The following ENTPD5 variants were observed in gnomAD, a reference collection of about 807,000 sequenced individuals.
The protein encoded by ENTPD5 is ectonucleoside triphosphate diphosphohydrolase 5 (inactive).
In ENTPD5, 49 loss-of-function variants were observed where a neutral mutation model predicts 60.2. The observed-to-expected ratio is 0.81, with a 90% CI of 0.65 to 1.03. The LOEUF is 1.03. ENTPD5 is among the 50% of genes least tolerant of loss of function. The probability of loss-of-function intolerance (pLI) is 0.00; values close to 1 mark genes in which losing one functional copy is unlikely to be tolerated. For synonymous variants in ENTPD5, 187 were observed against 185.4 expected (o/e 1.01, Z -0.07); for missense variants, 480 against 507.6 (o/e 0.95, Z 0.52).
chr14:73,969,924 C>A, intron 15 of ENTPD5, 86 bp downstream of exon 15: 1 of 930,504 alleles, frequency 1.1e-6, no homozygotes, highest in African/African-American at 1.6e-5. Context: ...TCACTTCTAG[C>A]TACTCTGATT....
downstream of ENTPD5, chr14:73,961,346 G>A (rs750043999): frequency 9.5e-5 from 153 of 1,614,252 alleles, 2 homozygotes; most frequent in East Asian, 3.3e-3. Context: ...ATGCTGCTGA[G>A]TACGTCAGGC....
At chr14:73,960,968 G>C, downstream of ENTPD5, 1 of 678,770 alleles carries the variant, frequency 1.5e-6, no homozygotes, top group South Asian at 1.7e-5. Context: ...GCCAGCTCAT[G>C]TACAGTTTGG....
intron 3 of ENTPD5, among the ~76,000 whole-genome samples, chr14:73,994,937 C>T (rs2058283902): frequency 1.3e-5 from 2 of 151,966 alleles, no homozygotes; most frequent in South Asian, 4.2e-4. Context: ...TATTTTTCTC[C>T]ACAGGACTTT....
chr14:73,991,534 G>A (rs375167087), intron 3 of ENTPD5, among the ~76,000 whole-genome samples: 1 of 143,606 alleles, frequency 7.0e-6, no homozygotes, highest in East Asian at 2.2e-4. Context: ...GCTGCAGTGA[G>A]TCAAGATCGC....
intron 15 of ENTPD5, among the ~76,000 whole-genome samples, chr14:73,968,051 G>A (rs2057061274): frequency 6.6e-6 from 1 of 152,078 alleles, no homozygotes; most frequent in African/African-American, 2.4e-5. Flanking sequence ...TTGAACCCGG[G>A]AGGTGGAGGT....
downstream of ENTPD5, chr14:73,959,177 G>A (rs751338512): frequency 5.6e-6 from 9 of 1,614,030 alleles, no homozygotes; most frequent in Middle Eastern, 1.6e-4. Context: ...AGAAAACAAC[G>A]TAGCCTGGCA....
chr14:73,975,552 G>T (rs2057405087), intron 10 of ENTPD5, among the ~76,000 whole-genome samples: 1 of 151,916 alleles, frequency 6.6e-6, no homozygotes, highest in African/African-American at 2.4e-5. Flanking sequence ...TTACAGGTGT[G>T]CGCTGTCATA....
At chr14:73,997,273 G>C (rs1317900035) in intron 3 of ENTPD5, among the ~76,000 whole-genome samples, 5 of 152,154 alleles carry the variant, frequency 3.3e-5, no homozygotes, top group Non-Finnish European at 7.3e-5. Flanking sequence ...ATTTCAAAAG[G>C]AGTGGACTTG....
intron 3 of ENTPD5, among the ~76,000 whole-genome samples, chr14:74,010,487 G>T (rs1555367592): frequency 6.6e-6 from 1 of 152,004 alleles, no homozygotes. Flanking sequence ...CCAGGAGGCA[G>T]AGGTTGCAGT....
intron 3 of ENTPD5, 68 bp from the exon 4 acceptor site, chr14:73,988,240 ACT>A: frequency 7.1e-7 from 1 of 1,399,778 alleles, no homozygotes; most frequent in Non-Finnish European, 9.4e-7. Context: ...AAGAAGAAAC[ACT>A]CACTCCTGGG....
chr14:73,968,089 A>G (rs892942036), intron 15 of ENTPD5, among the ~76,000 whole-genome samples: 1 of 152,132 alleles, frequency 6.6e-6, no homozygotes, highest in Admixed American at 6.5e-5. Flanking sequence ...GCACCATTGC[A>G]CTCCAGCCTG....
rs2056861508 is a variant in ENTPD5, at chr14:73,963,757, G to C, written c.*3171C>G. On this transcript the variant is annotated 3_prime_UTR_variant, in exon 16 of 16. Coordinates refer to ENST00000334696, the MANE Select transcript of ENTPD5 (RefSeq NM_001249.5). ...TTGAAGAGGTCTCGTCACAAGACCA[G>C]AGATGCCTCTTGAAGAGATTTTTAG... 6.6e-6 allele frequency: 1 copy of C among 152,290 alleles called. No individual in the cohort carries two copies. The highest frequency in any genetic ancestry group is 2.1e-4 in the South Asian group (1 of 4,834). 9.4% of individuals were successfully genotyped at this position (152,290 alleles called of 1,614,324 possible).
Position 73,976,429 on chromosome 14 carries a change from A to G in ENTPD5, c.554-17T>C. ...GCAGCTGACCTGTCAAATGAGAGCC[A>G]GCTCTAAATAGCCTCGACATCCTGG... On this transcript the variant is annotated splice_polypyrimidine_tract_variant and intron_variant, in intron 8 of 15. Coordinates refer to ENST00000334696, the MANE Select transcript of ENTPD5 (RefSeq NM_001249.5). 1.2e-6 allele frequency: 2 copies of G among 1,604,926 alleles called. No individual in the cohort carries two copies. Among genetic ancestry groups the G allele is most frequent in the East Asian group, 2.2e-5 (1 of 44,844 alleles).
intron 3 of ENTPD5, among the ~76,000 whole-genome samples, chr14:74,001,229 G>A (rs1414877571): frequency 6.6e-6 from 1 of 151,824 alleles, no homozygotes; most frequent in Non-Finnish European, 1.5e-5. Context: ...GTGTCTGGGC[G>A]CAGTGGCTCA....
rs748683070 is a variant in ENTPD5 at position 73,987,889 on chromosome 14, G to C, written c.214C>G (p.Pro72Ala). The C allele has an allele frequency of 6.2e-7, 1 of 1,613,834 alleles. No homozygotes were observed. The highest frequency in any genetic ancestry group is 1.3e-5 in the African/African-American group (1 of 74,886). Reference protein sequence around the residue: ...IHVYTFVQKMPGQLPILEGEV... With the variant: ...IHVYTFVQKMAGQLPILEGEV... ...TAAGGGTCCCAGTTGCACTTACCTG[G>C]CATTTTCTGCACAAAGGTGTAAACA... Residue 72 changes from proline to alanine, a missense_variant, in exon 4 of 16, where the codon CCA (proline) becomes GCA (alanine). Transcript: ENST00000334696.
chr14:74,010,244 A>G (rs1320910253), intron 3 of ENTPD5, among the ~76,000 whole-genome samples: 1 of 152,142 alleles, frequency 6.6e-6, no homozygotes, highest in Non-Finnish European at 1.5e-5. Context: ...GCTCCACTAT[A>G]ACACTTAGTG....
intron 1 of ENTPD5, among the ~76,000 whole-genome samples, chr14:74,017,569 ACT>A (rs375780216): frequency 0.074 from 10,916 of 146,762 alleles, 556 homozygotes; most frequent in South Asian, 0.26. Flanking sequence ...CAAGAGCAAA[ACT>A]CTGTCTCAAA....
chr14:73,986,443 C>T (rs2057905865), intron 5 of ENTPD5: 1 of 171,400 alleles, frequency 5.8e-6, no homozygotes, highest in African/African-American at 2.4e-5. Context: ...TCACTGCTCA[C>T]CATGCCTTCA....
intron 1 of ENTPD5, among the ~76,000 whole-genome samples, chr14:74,016,322 TA>T (rs1447425959): frequency 1.3e-5 from 2 of 152,048 alleles, no homozygotes; most frequent in Admixed American, 6.6e-5. Flanking sequence ...ACTTAGTCAA[TA>T]AAAAATATAT....
Sources: allele counts gnomAD v4.1 joint callset (sites outside exome capture counted in the v4.1 genomes callset), GRCh38; gene constraint gnomAD v4.1.1; transcripts MANE v1.5; gene names NCBI Gene and HGNC (gene_info 2026-07-23, HGNC 2026-07-21).